The following TAS2R1 variants were observed in gnomAD, a reference collection of about 807,000 sequenced individuals.
TAS2R1 encodes taste receptor type 2 member 1.
For synonymous variants in TAS2R1, 141 were observed against 134.2 expected, an observed-to-expected ratio of 1.05 and a Z score of -0.35; for missense variants, 370 against 353.4, an observed-to-expected ratio of 1.05 and a Z score of -0.38.
the TAS2R1 span, among the ~76,000 whole-genome samples, chr5:9,899,110 T>A: frequency 6.6e-6 from 1 of 152,132 alleles, no homozygotes; most frequent in East Asian, 1.9e-4. Context: ...CATATAAATA[T>A]TTTACACCAT....
At chr5:9,697,860 A>T (rs948052108) in intron 1 of TAS2R1, among the ~76,000 whole-genome samples, 1 of 152,110 alleles carries the variant, frequency 6.6e-6, no homozygotes, top group Non-Finnish European at 1.5e-5. Flanking sequence ...ATTTTATATA[A>T]TTCTAGTTTA....
the TAS2R1 span, among the ~76,000 whole-genome samples, chr5:9,728,797 C>T: frequency 7.2e-5 from 11 of 152,192 alleles, no homozygotes; most frequent in East Asian, 2.1e-3. Flanking sequence ...AGACTCAACA[C>T]ACTCCATTCT....
the TAS2R1 span, among the ~76,000 whole-genome samples, chr5:9,724,074 G>A: frequency 1.3e-5 from 2 of 152,216 alleles, no homozygotes; most frequent in Non-Finnish European, 2.9e-5. Context: ...GAAGACTTAA[G>A]GAACAGCTCA....
At chr5:9,754,129 G>T in the TAS2R1 span, among the ~76,000 whole-genome samples, 8 of 152,074 alleles carry the variant, frequency 5.3e-5, no homozygotes, top group African/African-American at 1.9e-4. Flanking sequence ...ACGTAATCCA[G>T]CATATAAACA....
Position 9,685,936 on chromosome 5 carries a change from G to C in TAS2R1, c.-242+26236C>G, listed in dbSNP as rs148644393. Among the ~76,000 whole-genome samples the C allele has an allele frequency of 2.2e-3, 336 of 152,278 alleles. 3 individuals are homozygous for C. The highest frequency in any genetic ancestry group is 0.014 in the Middle Eastern group (4 of 294). Reference sequence around the variant, plus strand: ...GCTGAAGTGCAATGGTGCAATCTTGGCCCACTGCAACCTCCACCTCCTGGG... The same window carrying C: ...GCTGAAGTGCAATGGTGCAATCTTGCCCCACTGCAACCTCCACCTCCTGGG... On this transcript the variant is annotated intron_variant, in intron 1 of 2. Coordinates refer to the TAS2R1 transcript ENST00000506620.
the TAS2R1 span, among the ~76,000 whole-genome samples, chr5:9,854,751 C>T: frequency 5.9e-5 from 9 of 152,096 alleles, no homozygotes; most frequent in Admixed American, 5.9e-4. Flanking sequence ...TTAAATAAAT[C>T]GTGATACAAC....
At chr5:9,724,344 C>CTTTT in the TAS2R1 span, among the ~76,000 whole-genome samples, 48 of 124,588 alleles carry the variant, frequency 3.9e-4, no homozygotes, top group East Asian at 7.3e-4. Flanking sequence ...ATGTTTCTTT[C>CTTTT]TTTTTTTTTT....
the TAS2R1 span, among the ~76,000 whole-genome samples, chr5:9,880,145 A>G: frequency 2.0e-5 from 3 of 152,282 alleles, no homozygotes; most frequent in African/African-American, 7.2e-5. Context: ...TCATACATAA[A>G]CTATACGTAA....
the TAS2R1 span, among the ~76,000 whole-genome samples, chr5:9,884,865 A>G: frequency 6.6e-6 from 1 of 152,212 alleles, no homozygotes; most frequent in African/African-American, 2.4e-5. Flanking sequence ...TTTTGCCTAA[A>G]TTGTACTTTT....
the TAS2R1 span, among the ~76,000 whole-genome samples, chr5:9,725,463 C>T: frequency 1.2e-4 from 19 of 152,304 alleles, no homozygotes; most frequent in South Asian, 3.7e-3. Flanking sequence ...AGCACCCGGG[C>T]CAGCAGCTGT....
chr5:9,886,640 T>C, the TAS2R1 span, among the ~76,000 whole-genome samples: 3 of 152,176 alleles, frequency 2.0e-5, no homozygotes, highest in Non-Finnish European at 4.4e-5. Flanking sequence ...AGTCTATTTT[T>C]ATATAATTGT....
At chr5:9,884,638 A>G in the TAS2R1 span, among the ~76,000 whole-genome samples, 1 of 152,204 alleles carries the variant, frequency 6.6e-6, no homozygotes, top group Non-Finnish European at 1.5e-5. Flanking sequence ...TAAAGTAGCA[A>G]TCTATGGGAA....
At chr5:9,683,129 T>C (rs1208879494) in intron 1 of TAS2R1, among the ~76,000 whole-genome samples, 1 of 152,092 alleles carries the variant, frequency 6.6e-6, no homozygotes, top group Admixed American at 6.6e-5. Context: ...AAAACTTGTT[T>C]TTTTCCTGCA....
At chr5:9,779,348 A>G in the TAS2R1 span, among the ~76,000 whole-genome samples, 1 of 152,196 alleles carries the variant, frequency 6.6e-6, no homozygotes, top group African/African-American at 2.4e-5. Context: ...CTGTGAACCA[A>G]TTAAATCTCA....
At chr5:9,631,528 C>T (rs1739873363), upstream of TAS2R1, among the ~76,000 whole-genome samples, 1 of 152,176 alleles carries the variant, frequency 6.6e-6, no homozygotes, top group African/African-American at 2.4e-5. Context: ...AGGCATGAGC[C>T]ACCACTCCCA....
chr5:9,717,729 C>G, the TAS2R1 span, among the ~76,000 whole-genome samples: 1 of 151,936 alleles, frequency 6.6e-6, no homozygotes, highest in African/African-American at 2.4e-5. Flanking sequence ...AAAAGTAGAT[C>G]CATCCGTCAA....
At chr5:9,696,378 G>A (rs961603801) in intron 1 of TAS2R1, among the ~76,000 whole-genome samples, 3 of 151,904 alleles carry the variant, frequency 2.0e-5, no homozygotes, top group Non-Finnish European at 4.4e-5. Flanking sequence ...TGATCAACAT[G>A]GTGAAACCCT....
At chr5:9,877,247 T>C in the TAS2R1 span, among the ~76,000 whole-genome samples, 1 of 152,236 alleles carries the variant, frequency 6.6e-6, no homozygotes, top group Non-Finnish European at 1.5e-5. Context: ...AGAAAGTGGA[T>C]GGGTTTTCTC....
the TAS2R1 span, among the ~76,000 whole-genome samples, chr5:9,770,475 A>G: frequency 6.6e-6 from 1 of 152,092 alleles, no homozygotes; most frequent in Non-Finnish European, 1.5e-5. Flanking sequence ...TTTGATAGGG[A>G]TGGCATTAAA....
Sources: gnomAD v4.1 joint callset for allele counts (sites outside exome capture counted in the v4.1 genomes callset) on GRCh38, gnomAD v4.1.1 for gene constraint, MANE v1.5 for transcripts, NCBI Gene and HGNC (gene_info 2026-07-23, HGNC 2026-07-21) for gene names.